Variants in TCF7L2 observed in about 807,000 individuals in gnomAD.
TCF7L2 encodes transcription factor 7 like 2.
TCF7L2 carries 23 observed loss-of-function variants against 77.9 expected under a neutral mutation model. The observed-to-expected ratio is 0.30, with a 90% CI of 0.21 to 0.42. The LOEUF (loss-of-function observed/expected upper bound fraction) is 0.42. TCF7L2 is among the 10% of genes least tolerant of loss of function. The pLI is 1.00. For synonymous variants in TCF7L2, 413 were observed against 340.2 expected, an observed-to-expected ratio of 1.21 and a Z score of -2.36; for missense variants, 654 against 793.1, an observed-to-expected ratio of 0.82 and a Z score of 2.11.
At chr10:113,078,644 A>G (rs1474555990) in intron 5 of TCF7L2, among the ~76,000 whole-genome samples, 2 of 152,082 alleles carry the variant, frequency 1.3e-5, no homozygotes, top group Non-Finnish European at 2.9e-5. Context: ...AAGTGCTGGG[A>G]TTACAGGCAT....
In TCF7L2 at chr10:113,130,016, T is replaced by TG. The variant is rs754244108; in HGVS notation, c.553-11162dup. 156 of 1,231,232 alleles carry TG rather than the reference T, an allele frequency of 1.3e-4. 1 individual carries two copies. The highest frequency in any genetic ancestry group is 1.4e-4 in the Non-Finnish European group (133 of 962,834). 76.3% of individuals were successfully genotyped at this position (1,231,232 alleles called of 1,614,324 possible). On this transcript the variant is annotated intron_variant, in intron 5 of 13. Transcript: ENST00000627217. ...AGTAGTGGGGTGTGTGGTGTGTGTATGGGGGGATGTGTGTATGTTCGTGTC... is the reference window on the plus strand; with the variant it reads ...AGTAGTGGGGTGTGTGGTGTGTGTATGGGGGGGATGTGTGTATGTTCGTGTC...
chr10:112,987,769 C>G (rs2041832771), intron 4 of TCF7L2: 1 of 160,788 alleles, frequency 6.2e-6, no homozygotes, highest in African/African-American at 2.4e-5. Context: ...GTCCCAGCAG[C>G]TGGCCTGCAT....
At chr10:113,141,341 GGT>G in intron 6 of TCF7L2, 25 bp downstream of exon 6, 1 of 1,614,026 alleles carries the variant, frequency 6.2e-7, no homozygotes, top group East Asian at 2.2e-5. Context: ...ACGGAGCCAA[GGT>G]AGAGTGCTGG....
At chr10:112,975,119 T>C (rs1359413831) in intron 4 of TCF7L2, among the ~76,000 whole-genome samples, 2 of 152,226 alleles carry the variant, frequency 1.3e-5, no homozygotes, top group Non-Finnish European at 2.9e-5. Context: ...GAATACTACA[T>C]TGAAATGTAA....
chr10:113,014,406 A>G (rs2046988879), intron 4 of TCF7L2, among the ~76,000 whole-genome samples: 1 of 152,212 alleles, frequency 6.6e-6, no homozygotes, highest in Non-Finnish European at 1.5e-5. Context: ...GGATGCTTCT[A>G]GAATGGAAAT....
At chr10:113,040,564 G>A (rs150457645) in intron 5 of TCF7L2, among the ~76,000 whole-genome samples, 1 of 152,196 alleles carries the variant, frequency 6.6e-6, no homozygotes, top group Non-Finnish European at 1.5e-5. Flanking sequence ...CTTAATATTT[G>A]TTGGCAACAT....
At chr10:112,971,665 T>C (rs779886517) in intron 4 of TCF7L2, among the ~76,000 whole-genome samples, 3 of 151,278 alleles carry the variant, frequency 2.0e-5, no homozygotes, top group Non-Finnish European at 4.4e-5. Flanking sequence ...CAGTCTGGAA[T>C]GCAGTGGCGT....
intron 5 of TCF7L2, among the ~76,000 whole-genome samples, chr10:113,049,355 G>A (rs1374213008): frequency 1.3e-5 from 2 of 151,830 alleles, no homozygotes; most frequent in African/African-American, 2.4e-5. Flanking sequence ...CAACAACATC[G>A]ACCCATTACT....
At chr10:113,116,736 A>G (rs1304576821) in intron 5 of TCF7L2, among the ~76,000 whole-genome samples, 1 of 151,202 alleles carries the variant, frequency 6.6e-6, no homozygotes, top group Non-Finnish European at 1.5e-5. Context: ...AGATCCATAG[A>G]TAATCTAGGT....
chr10:113,146,751 TTTTTTGTGCTGAGCTTTGG>T (rs1418764599), intron 8 of TCF7L2, among the ~76,000 whole-genome samples: 1 of 152,200 alleles, frequency 6.6e-6, no homozygotes. Flanking sequence ...TGTTATGTTC[TTTTTTGTGCTGAGCTTTGG>T]TACAAAATCT....
In TCF7L2 at chr10:113,143,738, A is replaced by G. The variant is rs571556004; in HGVS notation, c.686-185A>G. Among the ~76,000 whole-genome samples the G allele has an allele frequency of 2.6e-5, 4 of 152,276 alleles. No individual in the cohort carries two copies. The East Asian group carries it at 5.8e-4, about 22-fold the overall frequency. ...TAGAAGGAGATAAACTAATTTTTCA[A>G]ACTGAGGCTGAGGGAAAATGAGATG... On this transcript the variant is annotated intron_variant, in intron 6 of 13. Transcript: ENST00000627217.
chr10:113,115,569 G>C (rs971511732), intron 5 of TCF7L2, among the ~76,000 whole-genome samples: 1 of 152,168 alleles, frequency 6.6e-6, no homozygotes, highest in African/African-American at 2.4e-5. Flanking sequence ...GAATTGCACG[G>C]AACGTTGTGA....
intron 4 of TCF7L2, among the ~76,000 whole-genome samples, chr10:113,011,304 A>G (rs1461215834): frequency 6.6e-6 from 1 of 152,230 alleles, no homozygotes; most frequent in African/African-American, 2.4e-5. Flanking sequence ...AGAAGGAAAG[A>G]TGGGGTTAAC....
At chr10:113,130,084 C>G in intron 5 of TCF7L2, 1 of 908,412 alleles carries the variant, frequency 1.1e-6, no homozygotes, top group Non-Finnish European at 1.3e-6. Flanking sequence ...TTTTTCCCCC[C>G]CCTTAATTTA....
At chr10:112,957,913 A>G (rs2034088046) in intron 3 of TCF7L2, among the ~76,000 whole-genome samples, 1 of 152,172 alleles carries the variant, frequency 6.6e-6, no homozygotes, top group South Asian at 2.1e-4. Flanking sequence ...GTGAGATTCA[A>G]AGGTGTTTGC....
chr10:113,079,683 A>C (rs1245257561), intron 5 of TCF7L2, among the ~76,000 whole-genome samples: 3 of 151,892 alleles, frequency 2.0e-5, no homozygotes, highest in Admixed American at 2.0e-4. Context: ...TCTGAGACAG[A>C]GTCTCGCTCC....
intron 3 of TCF7L2, among the ~76,000 whole-genome samples, chr10:112,954,397 C>T (rs999226419): frequency 2.6e-5 from 4 of 152,134 alleles, no homozygotes; most frequent in African/African-American, 7.2e-5. Flanking sequence ...ATCATTAAAT[C>T]GGCTTATGAT....
chr10:113,140,356 C>CTG (rs1021425100), intron 5 of TCF7L2, among the ~76,000 whole-genome samples: 19 of 152,242 alleles, frequency 1.2e-4, no homozygotes, highest in African/African-American at 4.6e-4. Context: ...ACCCTGCCCT[C>CTG]TGCTTCTCTC....
At chr10:113,159,180 T>C (rs1242445196) in intron 12 of TCF7L2, among the ~76,000 whole-genome samples, 1 of 152,152 alleles carries the variant, frequency 6.6e-6, no homozygotes, top group East Asian at 1.9e-4. Flanking sequence ...TTCTTTTGCT[T>C]TTCTGCTCAT....
Sources: gnomAD v4.1 joint callset for allele counts (sites outside exome capture counted in the v4.1 genomes callset) on GRCh38, gnomAD v4.1.1 for gene constraint, MANE v1.5 for transcripts, NCBI Gene and HGNC (gene_info 2026-07-23, HGNC 2026-07-21) for gene names.